Variants in RPGRIP1 observed in about 807,000 individuals in gnomAD.
RPGRIP1 encodes the protein X-linked retinitis pigmentosa GTPase regulator-interacting protein 1.
Under a neutral mutation model 157.9 loss-of-function variants are expected in RPGRIP1, and 128 were observed. That is an observed-to-expected ratio of 0.81 (90% confidence interval 0.70 to 0.94). The LOEUF (loss-of-function observed/expected upper bound fraction) is 0.94, where lower values mean the gene tolerates loss of function less well. Ranked by LOEUF, RPGRIP1 falls within the 40% of genes least tolerant of loss-of-function variation. The pLI is 0.00. For missense variants in RPGRIP1, 1,486 were observed against 1,545.8 expected (o/e 0.96, Z 0.65); for synonymous variants, 554 against 571.6 (o/e 0.97, Z 0.44).
rs1881882354 is a variant in RPGRIP1, at chr14:21,317,456, G to A, written c.1152-240G>A. The A allele has an allele frequency of 1.2e-5, 11 of 900,390 alleles. No homozygotes were observed. In the South Asian group the frequency reaches 1.5e-4, roughly 12 times the overall value. 55.8% of individuals were successfully genotyped at this position (900,390 alleles called of 1,614,324 possible). A position where few individuals can be genotyped will look rare whatever the true frequency, so the allele number is the denominator to read the frequency against. On this transcript the variant is annotated intron_variant, in intron 10 of 24. Transcript: ENST00000400017. ...TTCCTTGGGAAATGGATATGACTTG[G>A]GGTGTTTGCTCAGTCAGATATCTGA... is the stretch of plus-strand genomic sequence containing the variant.
Position 21,284,984 on chromosome 14 carries a change from C to T in RPGRIP1, c.-38-2955C>T, listed in dbSNP as rs187109845. ...TCGTTCATTCTACTTTTCATACATT[C>T]GGTGTTTATTTGTTGAGTACCTGCT... On this transcript the variant is annotated intron_variant, in intron 1 of 24. Coordinates refer to ENST00000400017, the MANE Select transcript of RPGRIP1 (RefSeq NM_020366.4). Among the ~76,000 whole-genome samples, 40 of 150,280 alleles carry T rather than the reference C, an allele frequency of 2.7e-4. 1 individual carries two copies. Among genetic ancestry groups the T allele is most frequent in the African/African-American group, 7.3e-4 (29 of 39,674 alleles).
In RPGRIP1 at chr14:21,328,488, C is replaced by T. The variant is rs2139250992; in HGVS notation, c.2960C>T (p.Pro987Leu). The T allele has an allele frequency of 1.9e-6, 3 of 1,613,770 alleles. No individual in the cohort carries two copies. The highest frequency in any genetic ancestry group is 2.2e-5 in the South Asian group (2 of 91,084). ...AGQYRSKRKP[P>L]HGGERKEKEH... Reference sequence around the variant, plus strand: ...CAGTATCGATCTAAGAGAAAACCTCCTCATGGGGGAGAAAGAAAGGAGAAG... The same window carrying T: ...CAGTATCGATCTAAGAGAAAACCTCTTCATGGGGGAGAAAGAAAGGAGAAG... Residue 987 changes from proline to leucine, a missense_variant, in exon 19 of 25, where the codon CCT becomes CTT. Physicochemically the swap from Pro to Leu is moderately conservative, Grantham distance 98. Transcript: ENST00000400017.
At chr14:21,344,788 A>G (rs1018687129) in intron 22 of RPGRIP1, among the ~76,000 whole-genome samples, 1 of 152,328 alleles carries the variant, frequency 6.6e-6, no homozygotes, top group Non-Finnish European at 1.5e-5. Context: ...TCTACTAAAA[A>G]TACAAAAATT....
At chr14:21,299,222 G>A (rs970482983) in intron 3 of RPGRIP1, among the ~76,000 whole-genome samples, 2 of 151,926 alleles carry the variant, frequency 1.3e-5, no homozygotes, top group African/African-American at 2.4e-5. Flanking sequence ...GGCTGGTCTC[G>A]AACTCCTGAC....
chr14:21,309,137 G>T (rs983667814), intron 7 of RPGRIP1, among the ~76,000 whole-genome samples: 1 of 152,186 alleles, frequency 6.6e-6, no homozygotes, highest in Non-Finnish European at 1.5e-5. Flanking sequence ...TTTAAAGGAC[G>T]AGAAAACTTT....
At chr14:21,281,164 C>T (rs7146336) in intron 1 of RPGRIP1, among the ~76,000 whole-genome samples, 2,332 of 151,806 alleles carry the variant, frequency 0.015, 25 homozygotes, top group Middle Eastern at 0.048. Context: ...ACTACAGGTG[C>T]GCACCACCAT....
chr14:21,327,348 T>C (rs894821411), intron 17 of RPGRIP1, among the ~76,000 whole-genome samples: 1 of 152,184 alleles, frequency 6.6e-6, no homozygotes, highest in Non-Finnish European at 1.5e-5. Context: ...GCTGGATGAC[T>C]GATGACAAGC....
chr14:21,334,950 G>A (rs1013412388), intron 21 of RPGRIP1, among the ~76,000 whole-genome samples: 2 of 149,940 alleles, frequency 1.3e-5, no homozygotes, highest in Non-Finnish European at 3.0e-5. Flanking sequence ...GGAGGCTGAG[G>A]CAGGAGAATT....
At chr14:21,316,323 G>A (rs1049220768) in intron 10 of RPGRIP1, among the ~76,000 whole-genome samples, 1 of 152,042 alleles carries the variant, frequency 6.6e-6, no homozygotes, top group Admixed American at 6.6e-5. Context: ...TGTTGGCCAG[G>A]CTGGCCTCGA....
chr14:21,348,692 G>A (rs4982444), intron 24 of RPGRIP1, among the ~76,000 whole-genome samples: 2 of 128,546 alleles, frequency 1.6e-5, no homozygotes, highest in Non-Finnish European at 3.2e-5. Context: ...TTGAGATGGA[G>A]CCTCACTCTG....
intron 22 of RPGRIP1, 70 bp downstream of exon 22, chr14:21,343,298 T>C: frequency 8.0e-7 from 1 of 1,242,350 alleles, no homozygotes; most frequent in South Asian, 1.4e-5. Flanking sequence ...TCAGAATTAC[T>C]CTGGATTTTT....
chr14:21,295,414 C>T (rs1415259927), intron 3 of RPGRIP1, among the ~76,000 whole-genome samples: 1 of 151,734 alleles, frequency 6.6e-6, no homozygotes, highest in African/African-American at 2.4e-5. Flanking sequence ...CGTATTGATC[C>T]CTGCAGGCAT....
At position 21,325,021 on chromosome 14, in the gene RPGRIP1, CAG is replaced by C; in HGVS notation, c.2167_2168del (p.Arg723GlyfsTer44). 1 of 1,613,998 alleles carries C rather than the reference CAG, an allele frequency of 6.2e-7. No homozygotes were observed. The part of the protein sequence containing the change: ...TLAAGWICFD[R>X]VLETVEKVHG... ...TTGCTGCAGGATGGATTTGCTTTGACAGGGTGCTAGAGACTGTGGAGAAAGTC... is the reference window on the plus strand; with the variant it reads ...TTGCTGCAGGATGGATTTGCTTTGACGGTGCTAGAGACTGTGGAGAAAGTC... On this transcript the variant is annotated frameshift_variant, in exon 15 of 25. Transcript: ENST00000400017. LOFTEE classifies it high-confidence loss of function.
At chr14:21,309,296 G>C (rs1363205911) in intron 7 of RPGRIP1, among the ~76,000 whole-genome samples, 1 of 152,112 alleles carries the variant, frequency 6.6e-6, no homozygotes, top group Non-Finnish European at 1.5e-5. Flanking sequence ...AGGATCACTT[G>C]AGCTCAGGAA....
At chr14:21,299,705 T>C (rs559643838) in intron 3 of RPGRIP1, among the ~76,000 whole-genome samples, 11 of 152,322 alleles carry the variant, frequency 7.2e-5, no homozygotes, top group Non-Finnish European at 1.3e-4. Flanking sequence ...TGGCCAAAGC[T>C]ACAGTTAGTA....
intron 19 of RPGRIP1, 40 bp downstream of exon 19, chr14:21,328,667 G>A: frequency 7.3e-7 from 1 of 1,368,382 alleles, no homozygotes; most frequent in South Asian, 1.2e-5. Flanking sequence ...ATTGTGGGTT[G>A]TAGTGTCCCC....
In RPGRIP1 at chr14:21,300,648, C is replaced by T. The variant is rs527750026; in HGVS notation, c.219-318C>T. Among the ~76,000 whole-genome samples, 74 of 138,772 alleles carry T rather than the reference C, an allele frequency of 5.3e-4. 1 individual carries two copies. In the South Asian group the frequency reaches 0.018, roughly 33 times the overall value. The allele number at this position is 138,772 out of a possible 152,430, so 91.0% of individuals were successfully genotyped here. On this transcript the variant is annotated intron_variant, in intron 3 of 24. Transcript: ENST00000400017. The stretch of plus-strand genomic sequence containing the variant: ...TAATGACAATTTATTAGTACAAAAA[C>T]AAGTCTATATATAATTTTTTTAAAT...
chr14:21,303,656 A>T, intron 6 of RPGRIP1, 113 bp downstream of exon 6: 1 of 802,478 alleles, frequency 1.2e-6, no homozygotes, highest in Non-Finnish European at 2.0e-6. Flanking sequence ...ATTAAATTCA[A>T]TCGGAGTAGT....
chr14:21,342,028 C>A (rs192857405), intron 21 of RPGRIP1, among the ~76,000 whole-genome samples: 7 of 147,354 alleles, frequency 4.8e-5, no homozygotes, highest in Non-Finnish European at 8.9e-5. Flanking sequence ...CCAGCCTGGG[C>A]GACAGAGGGA....
Sources: allele counts gnomAD v4.1 joint callset (sites outside exome capture counted in the v4.1 genomes callset), GRCh38; gene constraint gnomAD v4.1.1; transcripts MANE v1.5; gene names NCBI Gene and HGNC (gene_info 2026-07-23, HGNC 2026-07-21).